The following EFCAB13 variants were observed in gnomAD, a reference collection of about 807,000 sequenced individuals.
EFCAB13 encodes EF-hand calcium-binding domain-containing protein 13.
Under a neutral mutation model 110.2 loss-of-function variants are expected in EFCAB13, and 91 were observed. The ratio of observed to expected loss-of-function variants is 0.83; its 90% confidence interval spans 0.70 to 0.98. EFCAB13 has a LOEUF of 0.98. Among genes scored for constraint, EFCAB13 ranks in the 50% least tolerant of loss-of-function variants. EFCAB13 has a pLI of 0.00. For missense variants in EFCAB13, 968 were observed against 1,119.4 expected (o/e 0.86, Z 1.93); for synonymous variants, 323 against 369.9 (o/e 0.87, Z 1.45).
At chr17:47,391,719 T>C in intron 15 of EFCAB13, 139 bp downstream of exon 15, 1 of 710,216 alleles carries the variant, frequency 1.4e-6, no homozygotes, top group Non-Finnish European at 2.1e-6. Context: ...ATGGAAATAC[T>C]CAAAAGTACA....
chr17:47,402,135 G>A lies in EFCAB13; in HGVS notation c.1949G>A (p.Gly650Asp). 1 of 1,613,890 alleles carries A rather than the reference G, an allele frequency of 6.2e-7. No homozygotes were observed. Among genetic ancestry groups the A allele is most frequent in the Non-Finnish European group, 8.5e-7 (1 of 1,179,848 alleles). Residue 650 changes from glycine (G) to aspartate (D), a missense_variant, in exon 18 of 25, where the codon GGT (glycine) becomes GAT (aspartate). Physicochemically the swap from Gly to Asp is moderately conservative, Grantham distance 94. Coordinates refer to ENST00000331493, the MANE Select transcript of EFCAB13 (RefSeq NM_152347.5). ...AALELVTVDE[G>D]DKVQFEEFAK... ...TTAAAAGTGTTTTTTCTCACAGAAGGTGACAAAGTACAATTTGAAGAATTT... is the reference window on the plus strand; with the variant it reads ...TTAAAAGTGTTTTTTCTCACAGAAGATGACAAAGTACAATTTGAAGAATTT...
At chr17:47,403,727 G>C in intron 18 of EFCAB13, 151 bp from the exon 19 acceptor site, 1 of 604,524 alleles carries the variant, frequency 1.7e-6, no homozygotes, top group Non-Finnish European at 2.5e-6. Context: ...ACATTGTGCT[G>C]CTGGCCATAG....
rs538644729 is a variant in EFCAB13 at position 47,392,522 on chromosome 17, C to G, written c.1726+942C>G. 5.9e-5 allele frequency among the ~76,000 whole-genome samples: 9 copies of G among 152,050 alleles called. No individual in the cohort carries two copies. The South Asian group carries it at 1.5e-3, about 25-fold the overall frequency. On this transcript the variant is annotated intron_variant, in intron 15 of 24. Transcript: ENST00000331493. ...AAATCTCCTTATAAAGCCGTAGTGA[C>G]TAAAAGAGTGTGAGAATGGCAAAGG...
intron 19 of EFCAB13, 37 bp downstream of exon 19, chr17:47,404,058 TG>T: frequency 6.6e-7 from 1 of 1,519,694 alleles, no homozygotes; most frequent in Non-Finnish European, 8.9e-7. Context: ...GTTTTTTTTT[TG>T]TAGGAGTAAA....
At chr17:47,398,886 G>C (rs1201298157) in intron 17 of EFCAB13, among the ~76,000 whole-genome samples, 1 of 152,006 alleles carries the variant, frequency 6.6e-6, no homozygotes, top group African/African-American at 2.4e-5. Context: ...AACTAGAAAA[G>C]TATTTTTTAT....
intron 10 of EFCAB13, among the ~76,000 whole-genome samples, chr17:47,366,929 C>T (rs1375392149): frequency 6.6e-6 from 1 of 152,174 alleles, no homozygotes; most frequent in Non-Finnish European, 1.5e-5. Context: ...CAGGTAAAAG[C>T]AAGATGGCCT....
intron 10 of EFCAB13, among the ~76,000 whole-genome samples, chr17:47,364,662 C>T (rs1204576832): frequency 6.6e-6 from 1 of 152,216 alleles, no homozygotes; most frequent in Non-Finnish European, 1.5e-5. Flanking sequence ...CATTGCAGTT[C>T]ATCCTAACAA....
At chr17:47,413,043 C>A in intron 22 of EFCAB13, 127 bp downstream of exon 22, 10 of 839,464 alleles carry the variant, frequency 1.2e-5, no homozygotes, top group South Asian at 5.1e-5. Flanking sequence ...TAGGTTGATA[C>A]AAATTAGAGC....
chr17:47,326,505 G>A (rs1354830723), intron 3 of EFCAB13, 118 bp downstream of exon 3: 1 of 151,750 alleles, frequency 6.6e-6, no homozygotes, highest in African/African-American at 2.4e-5. Context: ...ATATACCATT[G>A]TATTTGATAC....
chr17:47,331,244 T>C (rs2065318073), intron 4 of EFCAB13, among the ~76,000 whole-genome samples: 1 of 152,170 alleles, frequency 6.6e-6, no homozygotes, highest in African/African-American at 2.4e-5. Flanking sequence ...TGTTGATTAT[T>C]ATTTTTGCTG....
At chr17:47,350,467 C>T (rs1308640737) in intron 9 of EFCAB13, among the ~76,000 whole-genome samples, 2 of 152,166 alleles carry the variant, frequency 1.3e-5, no homozygotes, top group African/African-American at 4.8e-5. Context: ...CTCACCCCTT[C>T]ATAATTTTGT....
intron 23 of EFCAB13, among the ~76,000 whole-genome samples, chr17:47,422,999 C>T (rs1904773352): frequency 6.6e-6 from 1 of 152,108 alleles, no homozygotes; most frequent in Non-Finnish European, 1.5e-5. Context: ...AAAGTTGCAA[C>T]AAAGGTACCA....
intron 20 of EFCAB13, chr17:47,409,410 C>A: frequency 4.7e-6 from 2 of 425,954 alleles, no homozygotes; most frequent in East Asian, 7.0e-5. Context: ...TTAGAAACTG[C>A]CACATTTAAG....
rs1048238896 is a variant in EFCAB13, at chr17:47,328,456, C to A, written c.30+73C>A. The A allele has an allele frequency of 9.0e-6, 11 of 1,218,912 alleles. No individual in the cohort carries two copies. In the African/African-American group the frequency reaches 1.7e-4, roughly 19 times the overall value. The allele number at this position is 1,218,912 out of a possible 1,614,324, so 75.5% of individuals were successfully genotyped here. ...AAATTAGTTTACATTACCTCATATT[C>A]ATAATCAGTAAGCAAATTCATAGAG... On this transcript the variant is annotated intron_variant, in intron 4 of 24. Transcript: ENST00000331493.
intron 20 of EFCAB13, among the ~76,000 whole-genome samples, chr17:47,406,230 A>G (rs2065804607): frequency 6.6e-6 from 1 of 152,142 alleles, no homozygotes; most frequent in Non-Finnish European, 1.5e-5. Context: ...CTCCTGCCTC[A>G]GCCTCTTGAG....
intron 14 of EFCAB13, among the ~76,000 whole-genome samples, chr17:47,389,093 C>G (rs566410659): frequency 1.3e-5 from 2 of 151,408 alleles, no homozygotes; most frequent in Admixed American, 1.3e-4. Context: ...AGTGCAATGG[C>G]TGAATCATTG....
intron 20 of EFCAB13, among the ~76,000 whole-genome samples, chr17:47,407,141 T>TG (rs2065809184): frequency 1.3e-5 from 2 of 152,106 alleles, no homozygotes; most frequent in African/African-American, 4.8e-5. Flanking sequence ...GGAGGAGTTA[T>TG]GAGGAATGAA....
At chr17:47,399,363 A>G (rs1422421681) in intron 17 of EFCAB13, among the ~76,000 whole-genome samples, 1 of 152,224 alleles carries the variant, frequency 6.6e-6, no homozygotes, top group Non-Finnish European at 1.5e-5. Context: ...TGCACTTAGT[A>G]CAAAGGTATT....
intron 24 of EFCAB13, among the ~76,000 whole-genome samples, chr17:47,430,936 T>C (rs1009525642): frequency 2.0e-5 from 3 of 152,178 alleles, no homozygotes; most frequent in African/African-American, 7.2e-5. Flanking sequence ...TGATAAGTGA[T>C]TACTATATGC....
Sources: gnomAD v4.1 joint callset for allele counts (sites outside exome capture counted in the v4.1 genomes callset) on GRCh38, gnomAD v4.1.1 for gene constraint, MANE v1.5 for transcripts, NCBI Gene and HGNC (gene_info 2026-07-23, HGNC 2026-07-21) for gene names.